CDCA7L: variants seen among roughly 807,000 people sequenced by gnomAD.
The protein encoded by CDCA7L is cell division cycle associated 7 like, also known as cell division cycle-associated 7-like protein.
In CDCA7L, 44 loss-of-function variants were observed where a neutral mutation model predicts 57.4. The ratio of observed to expected loss-of-function variants is 0.77; its 90% CI spans 0.60 to 0.98. CDCA7L has a LOEUF of 0.98. Ranked by LOEUF, CDCA7L falls within the 50% of genes least tolerant of loss-of-function variation. The pLI is 0.00. For missense variants in CDCA7L, 644 were observed against 580.6 expected, an observed-to-expected ratio of 1.11 and a Z score of -1.12; for synonymous variants, 236 against 202.8, an observed-to-expected ratio of 1.16 and a Z score of -1.39.
In CDCA7L at chr7:21,903,143, G is replaced by A. The variant is rs779923194; in HGVS notation, c.1198-29C>T. On this transcript the variant is annotated intron_variant, in intron 8 of 9. Transcript: ENST00000406877. ...ACAGAGAGATGACAGCAGACACTTC[G>A]CTCATTATCTACAGGGTCTGGCAAG... is the stretch of plus-strand genomic sequence containing the variant. 2.9e-5 allele frequency: 47 copies of A among 1,604,048 alleles called. No homozygotes were observed. The East Asian group carries it at 3.6e-4, about 12-fold the overall frequency.
chr7:21,945,228 C>T (rs1340168916), intron 1 of CDCA7L, among the ~76,000 whole-genome samples: 1 of 152,110 alleles, frequency 6.6e-6, no homozygotes, highest in South Asian at 2.1e-4. Context: ...TTTAACTCGG[C>T]CCAATGACGT....
At chr7:21,903,894 T>C (rs1349117848) in intron 8 of CDCA7L, 2 of 399,176 alleles carry the variant, frequency 5.0e-6, no homozygotes, top group East Asian at 3.8e-5. Context: ...CAATGGAAAA[T>C]CTAACAACAT....
chr7:21,938,766 A>G (rs540286454), intron 1 of CDCA7L, among the ~76,000 whole-genome samples: 20 of 152,340 alleles, frequency 1.3e-4, no homozygotes, highest in African/African-American at 2.6e-4. Flanking sequence ...GCACTTTGGG[A>G]GGCCAAGACA....
At position 21,904,191 on chromosome 7, in the gene CDCA7L, G is replaced by A. The variant is rs1382253199; in HGVS notation, c.1116C>T (p.Cys372=). The A allele has an allele frequency of 1.2e-6, 2 of 1,613,752 alleles. No homozygotes were observed. Among genetic ancestry groups the A allele is most frequent in the East Asian group, 2.2e-5 (1 of 44,832 alleles). The part of the protein sequence containing the change: ...DTKTVCRNQG[C]CGVRGQFCGP... ...CACAGAACTGTCCTCGCACACCACA[G>A]CAACCCTGGTTCCGACACACTGTCT... Residue 372 remains cysteine (C), a synonymous_variant, in exon 8 of 10, where the codon TGC becomes TGT. Coordinates refer to ENST00000406877, the MANE Select transcript of CDCA7L (RefSeq NM_018719.5).
chr7:21,901,381 C>A lies in CDCA7L; in HGVS notation c.*941G>T. On this transcript the variant is annotated 3_prime_UTR_variant, in exon 10 of 10. Transcript: ENST00000406877. ...TCACACGTGCATTCTTTTTTCAACG[C>A]TATCCTTAGAGTGAAAGTCAGAAAA... 2 of 1,297,498 alleles carry A rather than the reference C, an allele frequency of 1.5e-6. No homozygotes were observed. The highest frequency in any genetic ancestry group is 2.0e-6 in the Non-Finnish European group (2 of 998,916). The allele number at this position is 1,297,498 out of a possible 1,614,324, so 80.4% of individuals were successfully genotyped here. A position where few individuals can be genotyped will look rare whatever the true frequency, so the allele number is the denominator to read the frequency against.
At chr7:21,921,880 G>T (rs540039024) in intron 1 of CDCA7L, among the ~76,000 whole-genome samples, 2 of 151,992 alleles carry the variant, frequency 1.3e-5, no homozygotes, top group African/African-American at 4.8e-5. Flanking sequence ...TACAGTTTCT[G>T]TTTGTCTACT....
At position 21,902,298 on chromosome 7, in the gene CDCA7L, T is replaced by A. The variant is rs200398600; in HGVS notation, c.*24A>T. The A allele has an allele frequency of 9.6e-5, 154 of 1,610,346 alleles. 2 individuals carry two copies. The South Asian group carries it at 1.1e-3, about 11-fold the overall frequency. On this transcript the variant is annotated 3_prime_UTR_variant, in exon 10 of 10. Transcript: ENST00000406877. ...CTTGTTGGAGTACTCTATGGTGAGGTGGCTGGTTCTGTTTGTTTTCCTCTT... is the reference window on the plus strand; with the variant it reads ...CTTGTTGGAGTACTCTATGGTGAGGAGGCTGGTTCTGTTTGTTTTCCTCTT...
At position 21,904,110 on chromosome 7, in the gene CDCA7L, C is replaced by T. The variant is rs150496422; in HGVS notation, c.1197G>A (p.Pro399=). 5.2e-5 allele frequency: 83 copies of T among 1,593,976 alleles called. No homozygotes were observed. The highest frequency in any genetic ancestry group is 7.1e-5 in the Admixed American group (4 of 56,464). ...CAACAAATGCAAACACTGTTCCTAC[C>T]GGGTCCAGCAATGCCGATCTGACAT... The part of the protein sequence containing the change: ...GEDVRSALLD[P]DWVCPPCRGI... Residue 399 remains proline (P), a splice_region_variant and synonymous_variant, in exon 8 of 10, where the codon CCG becomes CCA. Coordinates refer to ENST00000406877, the MANE Select transcript of CDCA7L (RefSeq NM_018719.5).
intron 1 of CDCA7L, among the ~76,000 whole-genome samples, chr7:21,925,463 T>C (rs1052075696): frequency 1.3e-5 from 2 of 152,214 alleles, no homozygotes; most frequent in African/African-American, 4.8e-5. Flanking sequence ...TACCATCATA[T>C]ACATCTAAAA....
intron 1 of CDCA7L, among the ~76,000 whole-genome samples, chr7:21,935,939 C>T (rs1919906): frequency 0.2 from 30,232 of 151,920 alleles, 3,887 homozygotes; most frequent in East Asian, 0.56. Flanking sequence ...ACCCAGGAGG[C>T]GGAGGTTGCA....
At chr7:21,916,489 C>A (rs1785483385) in intron 2 of CDCA7L, among the ~76,000 whole-genome samples, 1 of 136,714 alleles carries the variant, frequency 7.3e-6, no homozygotes, top group Admixed American at 7.9e-5. Context: ...AGAAAATGCA[C>A]TTGATCATGT....
intron 1 of CDCA7L, among the ~76,000 whole-genome samples, chr7:21,919,358 T>G (rs1562628869): frequency 6.6e-6 from 1 of 152,186 alleles, no homozygotes; most frequent in Admixed American, 6.5e-5. Context: ...TCTGTCTTTC[T>G]GACATGGCAC....
intron 7 of CDCA7L, 112 bp from the exon 8 acceptor site, chr7:21,904,371 G>A (rs953664766): frequency 2.0e-5 from 22 of 1,079,334 alleles, no homozygotes; most frequent in Middle Eastern, 2.1e-4. Flanking sequence ...CCGTCTCCTC[G>A]AATCAAGCAG....
chr7:21,920,197 T>C (rs1785608435), intron 1 of CDCA7L, among the ~76,000 whole-genome samples: 3 of 152,150 alleles, frequency 2.0e-5, no homozygotes, highest in Admixed American at 2.0e-4. Context: ...GGGCAAATAA[T>C]CTTAGTATTA....
At chr7:21,915,431 A>C (rs1785448107) in intron 2 of CDCA7L, among the ~76,000 whole-genome samples, 1 of 139,934 alleles carries the variant, frequency 7.1e-6, no homozygotes. Flanking sequence ...AGATTCACTA[A>C]GTGAGAAGAC....
chr7:21,924,235 T>C (rs908223154), intron 1 of CDCA7L, among the ~76,000 whole-genome samples: 2 of 152,184 alleles, frequency 1.3e-5, no homozygotes, highest in African/African-American at 4.8e-5. Context: ...AGATTCACTT[T>C]TTAGGCCAAC....
chr7:21,909,404 C>T (rs1785242831), intron 3 of CDCA7L, among the ~76,000 whole-genome samples: 1 of 152,024 alleles, frequency 6.6e-6, no homozygotes, highest in African/African-American at 2.4e-5. Context: ...TGAAAATCTA[C>T]CAAGAACACG....
rs534031047 is a variant in CDCA7L at position 21,906,558 on chromosome 7, T to A, written c.753+10A>T. 6.2e-7 allele frequency: 1 copy of A among 1,613,928 alleles called. No homozygotes were observed. Among genetic ancestry groups the A allele is most frequent in the South Asian group, 1.1e-5 (1 of 91,058 alleles). ...TCAGTATTGGTATAATTATAAGGAGTTCTACTTACAGAAGCTGAGGTTGGG... is the reference window on the plus strand; with the variant it reads ...TCAGTATTGGTATAATTATAAGGAGATCTACTTACAGAAGCTGAGGTTGGG... On this transcript the variant is annotated intron_variant, in intron 5 of 9. Transcript: ENST00000406877.
rs1463514562 is a variant in CDCA7L at position 21,924,745 on chromosome 7, T to C, written c.25-7851A>G. Among the ~76,000 whole-genome samples, 4 of 152,054 alleles carry C rather than the reference T, an allele frequency of 2.6e-5. No homozygotes were observed. In the East Asian group the frequency reaches 5.8e-4, roughly 22 times the overall value. On this transcript the variant is annotated intron_variant, in intron 1 of 9. Transcript: ENST00000406877. The stretch of plus-strand genomic sequence containing the variant: ...ATACAGATCTTTAAAATGTGTAAAG[T>C]AAACAATCAAAATTAAGAACTTCTG...
Sources: allele counts gnomAD v4.1 joint callset (sites outside exome capture counted in the v4.1 genomes callset), GRCh38; gene constraint gnomAD v4.1.1; transcripts MANE v1.5; gene names NCBI Gene and HGNC (gene_info 2026-07-23, HGNC 2026-07-21).